Variants in ZNF789 observed in about 807,000 individuals in gnomAD.
The protein encoded by ZNF789 is zinc finger protein 789.
In ZNF789, 11 loss-of-function variants were observed where a neutral mutation model predicts 15.6. That is an observed-to-expected ratio of 0.70 (90% confidence interval 0.44 to 1.16). The LOEUF (loss-of-function observed/expected upper bound fraction) is 1.16, where lower values mean the gene tolerates loss of function less well. Ranked by LOEUF, ZNF789 falls within the 50% of genes most tolerant of loss-of-function variation. ZNF789 has a pLI of 0.00. For synonymous variants in ZNF789, 159 were observed against 176.0 expected (o/e 0.90, Z 0.76); for missense variants, 461 against 512.6 (o/e 0.90, Z 0.97).
At chr7:99,476,313 G>C in intron 1 of ZNF789, 90 bp from the exon 2 acceptor site, 1 of 781,412 alleles carries the variant, frequency 1.3e-6, no homozygotes, top group East Asian at 3.0e-5. Flanking sequence ...AGCTTTGTCT[G>C]TGTGCCCCGT....
chr7:99,475,803 TTTC>T (rs1177499834), intron 1 of ZNF789, among the ~76,000 whole-genome samples: 5 of 128,836 alleles, frequency 3.9e-5, no homozygotes, highest in African/African-American at 1.7e-4. Flanking sequence ...CTATTTTTTC[TTTC>T]TTTTTTTTTT....
chr7:99,479,466 C>T (rs1799503783), intron 2 of ZNF789, 195 bp from the exon 3 acceptor site: 3 of 483,866 alleles, frequency 6.2e-6, no homozygotes, highest in South Asian at 6.2e-5. Flanking sequence ...TGTGTCGACC[C>T]CGTGGTATGG....
chr7:99,474,929 G>A (rs1254868174), intron 1 of ZNF789, among the ~76,000 whole-genome samples: 1 of 151,678 alleles, frequency 6.6e-6, no homozygotes, highest in African/African-American at 2.4e-5. Flanking sequence ...AAGCTACAGT[G>A]AGCCATGATT....
At chr7:99,477,442 G>A (rs959487588) in intron 2 of ZNF789, among the ~76,000 whole-genome samples, 1 of 152,110 alleles carries the variant, frequency 6.6e-6, no homozygotes, top group Non-Finnish European at 1.5e-5. Context: ...CCAGGCTCAG[G>A]TGATCCTCCC....
chr7:99,487,592 G>T lies in ZNF789; in HGVS notation c.*104G>T. 1 of 1,362,456 alleles carries T rather than the reference G, an allele frequency of 7.3e-7. No homozygotes were observed. Among genetic ancestry groups the T allele is most frequent in the Non-Finnish European group, 9.9e-7 (1 of 1,007,178 alleles). 84.4% of individuals were successfully genotyped at this position (1,362,456 alleles called of 1,614,324 possible). Reference sequence around the variant, plus strand: ...TGAAAAGCAATAAATGTAACAAAGGGTTTTTCTATGGGAGCCATCTTTGTG... The same window carrying T: ...TGAAAAGCAATAAATGTAACAAAGGTTTTTTCTATGGGAGCCATCTTTGTG... On this transcript the variant is annotated 3_prime_UTR_variant, in exon 5 of 5. Coordinates refer to ENST00000331410, the MANE Select transcript of ZNF789 (RefSeq NM_213603.3).
chr7:99,486,992 A>G lies in ZNF789; in HGVS notation c.782A>G (p.Asp261Gly), dbSNP rs756928687. The stretch of plus-strand genomic sequence containing the variant: ...CAAAACAAGCCATACAGATGTCATG[A>G]CTGTGGAAAGTGTTTTCGGCAGCTC... ...HLQNKPYRCHDCGKCFRQLAY... is the reference protein window; with the variant it reads ...HLQNKPYRCHGCGKCFRQLAY... Residue 261 changes from aspartate (D) to glycine (G), a missense_variant, in exon 5 of 5, where the codon GAC becomes GGC. Asp to Gly is a moderately conservative substitution (Grantham distance 94). Transcript: ENST00000331410. The G allele has an allele frequency of 3.7e-6, 6 of 1,614,070 alleles. No homozygotes were observed. In the African/African-American group the frequency reaches 8.0e-5, roughly 22 times the overall value.
At chr7:99,485,287 G>GCCCCATCCTGTCCCCA in intron 4 of ZNF789, 2 of 1,372,604 alleles carry the variant, frequency 1.5e-6, no homozygotes, top group Non-Finnish European at 1.0e-6. Flanking sequence ...TTGGGGACAG[G>GCCCCATCCTGTCCCCA]ATGGGGCATG....
intron 1 of ZNF789, 60 bp from the exon 2 acceptor site, chr7:99,476,343 T>G: frequency 8.0e-7 from 1 of 1,250,200 alleles, no homozygotes; most frequent in South Asian, 1.4e-5. Context: ...GGGTCCCAGA[T>G]CTGCCAACCA....
intron 4 of ZNF789, 99 bp from the exon 5 acceptor site, chr7:99,486,377 C>A: frequency 8.4e-7 from 1 of 1,195,418 alleles, no homozygotes; most frequent in Non-Finnish European, 1.2e-6. Flanking sequence ...CACTTCTTAG[C>A]TTCATTTGAT....
At chr7:99,483,103 T>C (rs1323614024) in intron 3 of ZNF789, among the ~76,000 whole-genome samples, 1 of 149,708 alleles carries the variant, frequency 6.7e-6, no homozygotes, top group Admixed American at 6.7e-5. Context: ...GGTGGCCACA[T>C]GCCTGTAATT....
intron 3 of ZNF789, chr7:99,482,408 A>C: frequency 3.3e-6 from 2 of 609,798 alleles, no homozygotes; most frequent in Non-Finnish European, 5.9e-6. Context: ...GCCACTGGTC[A>C]CGTGAGGTCA....
chr7:99,484,942 C>G (rs1454228994), intron 4 of ZNF789, among the ~76,000 whole-genome samples: 1 of 152,094 alleles, frequency 6.6e-6, no homozygotes, highest in Non-Finnish European at 1.5e-5. Flanking sequence ...AGAACTCTCA[C>G]AGTTGGGAGG....
chr7:99,482,010 CGGATTTTTCTTTTTT>C, intron 3 of ZNF789: 1 of 627,174 alleles, frequency 1.6e-6, no homozygotes, highest in South Asian at 1.9e-5. Context: ...TTTTGGATTT[CGGATTTTTCTTTTTT>C]GGATTTTGGA....
Position 99,487,014 on chromosome 7 carries a change from G to A in ZNF789, c.804G>A (p.Gln268=). ...ATGACTGTGGAAAGTGTTTTCGGCA[G>A]CTCGCGTATCTTGTTGAACATAAGA... ...RCHDCGKCFR[Q]LAYLVEHKRI... Residue 268 remains glutamine (Q), a synonymous_variant, in exon 5 of 5, where the codon CAG becomes CAA. Transcript: ENST00000331410. The A allele has an allele frequency of 6.2e-7, 1 of 1,614,032 alleles. No homozygotes were observed. The highest frequency in any genetic ancestry group is 8.5e-7 in the Non-Finnish European group (1 of 1,180,040).
Position 99,486,756 on chromosome 7 carries a change from C to A in ZNF789, c.546C>A (p.Phe182Leu). ...GATATGATGAGGATGGCAAACCCTT[C>A]AATCAAAGATCTTTGCTTTTGGGGC... ...QGRYDEDGKPFNQRSLLLGHE... is the reference protein window; with the variant it reads ...QGRYDEDGKPLNQRSLLLGHE... The change falls in exon 5 of 5, where the codon TTC becomes TTA. Residue 182 changes from phenylalanine to leucine, a missense_variant. Physicochemically the swap from Phe to Leu is conservative, Grantham distance 22. Transcript: ENST00000331410. The A allele has an allele frequency of 6.2e-7, 1 of 1,614,206 alleles. No individual in the cohort carries two copies. The highest frequency in any genetic ancestry group is 1.1e-5 in the South Asian group (1 of 91,086).
chr7:99,476,582 T>C (rs1371061027), intron 2 of ZNF789, 102 bp downstream of exon 2: 53 of 1,449,388 alleles, frequency 3.7e-5, no homozygotes, highest in Non-Finnish European at 5.0e-5. Flanking sequence ...GTTTTCCTTC[T>C]TAGACAGTGC....
Position 99,476,447 on chromosome 7 carries a change from C to T in ZNF789, c.-10C>T, listed in dbSNP as rs758562045. 15 of 1,610,752 alleles carry T rather than the reference C, an allele frequency of 9.3e-6. No individual in the cohort carries two copies. Among genetic ancestry groups the T allele is most frequent in the South Asian group, 6.6e-5 (6 of 90,248 alleles). ...TCCCACCCCTTGCAAAAGACCAGGCCGTGGAAGCCATGTTCCCACCAGCCA... is the reference window on the plus strand; with the variant it reads ...TCCCACCCCTTGCAAAAGACCAGGCTGTGGAAGCCATGTTCCCACCAGCCA... On this transcript the variant is annotated 5_prime_UTR_variant, in exon 2 of 5. Transcript: ENST00000331410.
intron 4 of ZNF789, among the ~76,000 whole-genome samples, chr7:99,484,658 G>C (rs556017997): frequency 1.3e-5 from 2 of 151,284 alleles, no homozygotes; most frequent in South Asian, 4.2e-4. Context: ...GCCTGGTATG[G>C]GGGCTCACGC....
Position 99,487,000 on chromosome 7 carries a change from A to C in ZNF789, c.790A>C (p.Lys264Gln), listed in dbSNP as rs778487392. The change falls in exon 5 of 5, where the codon AAG becomes CAG. Residue 264 changes from lysine (K) to glutamine (Q), a missense_variant. Lys to Gln is a moderately conservative substitution (Grantham distance 53). Transcript: ENST00000331410. ...NKPYRCHDCG[K>Q]CFRQLAYLVE... Reference sequence around the variant, plus strand: ...GCCATACAGATGTCATGACTGTGGAAAGTGTTTTCGGCAGCTCGCGTATCT... The same window carrying C: ...GCCATACAGATGTCATGACTGTGGACAGTGTTTTCGGCAGCTCGCGTATCT... 1 of 1,614,160 alleles carries C rather than the reference A, an allele frequency of 6.2e-7. No individual in the cohort carries two copies. The highest frequency in any genetic ancestry group is 8.5e-7 in the Non-Finnish European group (1 of 1,180,036).
Sources: gnomAD v4.1 joint callset for allele counts (sites outside exome capture counted in the v4.1 genomes callset) on GRCh38, gnomAD v4.1.1 for gene constraint, MANE v1.5 for transcripts, NCBI Gene and HGNC (gene_info 2026-07-23, HGNC 2026-07-21) for gene names.